Variants in KCTD1 observed in about 807,000 individuals in gnomAD.
The protein encoded by KCTD1 is BTB/POZ domain-containing protein KCTD1.
KCTD1 carries 24 observed loss-of-function variants against 66.0 expected under a neutral mutation model. The observed-to-expected ratio is 0.36, with a 90% CI of 0.26 to 0.51. The LOEUF (loss-of-function observed/expected upper bound fraction) is 0.51. KCTD1 is among the 20% of genes least tolerant of loss of function. The pLI is 0.95. For missense variants in KCTD1, 943 were observed against 1,205.2 expected, an observed-to-expected ratio of 0.78 and a Z score of 3.22; for synonymous variants, 511 against 517.2, an observed-to-expected ratio of 0.99 and a Z score of 0.16.
At chr18:26,483,608 C>T (rs182698224) in intron 2 of KCTD1, among the ~76,000 whole-genome samples, 2 of 152,310 alleles carry the variant, frequency 1.3e-5, no homozygotes, top group East Asian at 3.9e-4. Flanking sequence ...TTTGGAAGCA[C>T]TTGTAGCTTC....
intron 3 of KCTD1, among the ~76,000 whole-genome samples, chr18:26,471,152 C>G (rs1028309972): frequency 1.3e-5 from 2 of 152,126 alleles, no homozygotes; most frequent in Admixed American, 6.5e-5. Context: ...ACAGCCCCCC[C>G]AGGTCTCCTG....
intron 1 of KCTD1, among the ~76,000 whole-genome samples, chr18:26,598,471 TACACACAC>T (rs4041522): frequency 0.014 from 2,169 of 149,772 alleles, 50 homozygotes; most frequent in African/African-American, 0.05. Flanking sequence ...TCTCTTTTTT[TACACACAC>T]ACACACACAC....
At chr18:26,579,311 G>A (rs2469426) in intron 1 of KCTD1, among the ~76,000 whole-genome samples, 1 of 152,046 alleles carries the variant, frequency 6.6e-6, no homozygotes, top group African/African-American at 2.4e-5. Context: ...TGAATGTCCA[G>A]TTAGTGTCCA....
At chr18:26,585,658 T>C (rs947640473) in intron 1 of KCTD1, among the ~76,000 whole-genome samples, 2 of 152,364 alleles carry the variant, frequency 1.3e-5, no homozygotes. Context: ...GAATTAATTA[T>C]ATATTTTGCA....
rs1451827197 is a variant in KCTD1 at position 26,468,993 on chromosome 18, C to T, written c.2133+7522G>A. ...GTATTTGTGACTCCTGTAAACTGCA[C>T]TGCTCCTGCTGATGCAATTCCATCA... On this transcript the variant is annotated intron_variant, in intron 3 of 4. Coordinates refer to ENST00000580059, the MANE Select transcript of KCTD1 (RefSeq NM_001142730.3). This position sits in a 1 kb window ranked among gnomAD's most constrained non-coding sequence, Gnocchi z 4.8. 1.3e-5 allele frequency among the ~76,000 whole-genome samples: 2 copies of T among 152,184 alleles called. No homozygotes were observed. Among genetic ancestry groups the T allele is most frequent in the Admixed American group, 6.5e-5 (1 of 15,270 alleles).
intron 1 of KCTD1, among the ~76,000 whole-genome samples, chr18:26,616,616 C>T (rs1987260843): frequency 6.6e-6 from 1 of 151,958 alleles, no homozygotes; most frequent in Admixed American, 6.6e-5. Flanking sequence ...AACTCCTGGG[C>T]TCAAGTGATC....
At chr18:26,568,620 T>A (rs920350105) in intron 1 of KCTD1, among the ~76,000 whole-genome samples, 1 of 152,182 alleles carries the variant, frequency 6.6e-6, no homozygotes, top group Non-Finnish European at 1.5e-5. Context: ...ATTTATATAA[T>A]CATTGCATCT....
Position 26,476,725 on chromosome 18 carries a change from G to C in KCTD1, c.1989-66C>G, listed in dbSNP as rs1273931974. 67 of 1,448,414 alleles carry C rather than the reference G, an allele frequency of 4.6e-5. No individual in the cohort carries two copies. The highest frequency in any genetic ancestry group is 6.3e-5 in the Non-Finnish European group (66 of 1,046,532). 89.7% of individuals were successfully genotyped at this position (1,448,414 alleles called of 1,614,324 possible). A position where few individuals can be genotyped will look rare whatever the true frequency, so the allele number is the denominator to read the frequency against. On this transcript the variant is annotated intron_variant, in intron 2 of 4. Transcript: ENST00000580059. This position sits in a 1 kb window ranked among gnomAD's most constrained non-coding sequence, Gnocchi z 4.9. ...ATTGTTCGGGCACTAGGACTAAGAG[G>C]TGTCTTTTATCACTGTCAAAGGTAG...
intron 1 of KCTD1, among the ~76,000 whole-genome samples, chr18:26,532,169 A>C (rs572623628): frequency 6.6e-6 from 1 of 152,296 alleles, no homozygotes; most frequent in South Asian, 2.1e-4. Flanking sequence ...ACAAGTGAGA[A>C]GAGGCGGCTT....
At chr18:26,631,814 C>T (rs998929629), upstream of KCTD1, among the ~76,000 whole-genome samples, 6 of 152,092 alleles carry the variant, frequency 3.9e-5, no homozygotes, top group Non-Finnish European at 2.9e-5. Context: ...TCTGGGAGGC[C>T]GAGGCGGGCG....
chr18:26,581,756 G>T (rs1395319464), intron 1 of KCTD1: 1 of 152,044 alleles, frequency 6.6e-6, no homozygotes, highest in African/African-American at 2.4e-5. Flanking sequence ...ATACATATTT[G>T]TTGAATGAAT....
At chr18:26,643,839 G>A (rs1987881888), upstream of KCTD1, among the ~76,000 whole-genome samples, 1 of 152,150 alleles carries the variant, frequency 6.6e-6, no homozygotes, top group South Asian at 2.1e-4. Flanking sequence ...GCGGGTGCCT[G>A]TAGTCCCAGC....
chr18:26,607,641 T>C (rs1182731026), intron 1 of KCTD1, among the ~76,000 whole-genome samples: 1 of 152,328 alleles, frequency 6.6e-6, no homozygotes, highest in East Asian at 1.9e-4. Context: ...GGAGGATGTG[T>C]TTATACCTCT....
chr18:26,536,491 A>T (rs1984714773), intron 1 of KCTD1, among the ~76,000 whole-genome samples: 1 of 152,234 alleles, frequency 6.6e-6, no homozygotes, highest in Admixed American at 6.5e-5. Flanking sequence ...CATTCCCCAT[A>T]CATGCACTTC....
chr18:26,657,269 GC>G, intron 1 of KCTD1: 1 of 927,376 alleles, frequency 1.1e-6, no homozygotes, highest in Non-Finnish European at 1.3e-6. Flanking sequence ...CTCGCCCCAT[GC>G]CTGGCACATG....
At chr18:26,571,516 C>T (rs750259932) in intron 1 of KCTD1, among the ~76,000 whole-genome samples, 15 of 152,078 alleles carry the variant, frequency 9.9e-5, no homozygotes, top group Non-Finnish European at 1.6e-4. Flanking sequence ...ACACATCCTC[C>T]CGTGTACTTT....
chr18:26,465,922 G>A (rs893529881), intron 3 of KCTD1, among the ~76,000 whole-genome samples: 2 of 152,250 alleles, frequency 1.3e-5, no homozygotes, highest in Admixed American at 6.5e-5. Flanking sequence ...CTAGTCACCA[G>A]ACCACGGATA....
At chr18:26,612,717 T>G (rs1308953294) in intron 1 of KCTD1, among the ~76,000 whole-genome samples, 1 of 152,246 alleles carries the variant, frequency 6.6e-6, no homozygotes, top group Admixed American at 6.5e-5. Context: ...ATTCAGTGTG[T>G]GGTACTTTGT....
upstream of KCTD1, among the ~76,000 whole-genome samples, chr18:26,643,405 G>A (rs1214108986): frequency 6.6e-6 from 1 of 152,194 alleles, no homozygotes; most frequent in Non-Finnish European, 1.5e-5. Flanking sequence ...TTGTTCAACA[G>A]ATGGTTGTAG....
Sources: gnomAD v4.1 joint callset for allele counts (sites outside exome capture counted in the v4.1 genomes callset) on GRCh38, gnomAD v4.1.1 for gene constraint, Gnocchi (gnomAD v3.1) non-coding constraint, MANE v1.5 for transcripts, NCBI Gene and HGNC (gene_info 2026-07-23, HGNC 2026-07-21) for gene names.